Variants in AKAP19 observed in about 807,000 individuals in gnomAD.
AKAP19 encodes the protein small A-kinase anchoring protein.
the AKAP19 span, among the ~76,000 whole-genome samples, chr2:190,082,870 A>G: frequency 2.6e-5 from 4 of 152,162 alleles, no homozygotes; most frequent in Admixed American, 1.3e-4. Context: ...TTGTGTTTCT[A>G]CTTGTTCCAA....
At chr2:190,193,557 T>C in the AKAP19 span, among the ~76,000 whole-genome samples, 3 of 152,178 alleles carry the variant, frequency 2.0e-5, no homozygotes, top group Non-Finnish European at 2.9e-5. Context: ...TTTGGAAAGA[T>C]TTACAATTTC....
chr2:190,202,279 A>T, the AKAP19 span: 1 of 167,008 alleles, frequency 6.0e-6, no homozygotes, highest in Non-Finnish European at 1.5e-5. Context: ...AATAGAGTAC[A>T]ATATCTTCTG....
At chr2:190,070,726 G>A in the AKAP19 span, among the ~76,000 whole-genome samples, 3 of 148,562 alleles carry the variant, frequency 2.0e-5, no homozygotes, top group Non-Finnish European at 3.0e-5. Context: ...GATATTTTTA[G>A]ATGACACATG....
chr2:190,164,175 A>C, the AKAP19 span: 1 of 152,266 alleles, frequency 6.6e-6, no homozygotes, highest in Admixed American at 6.5e-5. Flanking sequence ...ATCTATTTGA[A>C]AAACTTAGTC....
chr2:190,156,520 T>C, the AKAP19 span, among the ~76,000 whole-genome samples: 1 of 152,172 alleles, frequency 6.6e-6, no homozygotes, highest in African/African-American at 2.4e-5. Flanking sequence ...GGGGAAATTA[T>C]TTATTTGAAA....
the AKAP19 span, among the ~76,000 whole-genome samples, chr2:190,178,122 T>A: frequency 6.6e-6 from 1 of 152,286 alleles, no homozygotes; most frequent in South Asian, 2.1e-4. This position sits in a 1 kb window ranked among gnomAD's most constrained non-coding sequence, Gnocchi z 6.3. Context: ...TGGTTCCTGT[T>A]GCCTCTATCC....
the AKAP19 span, among the ~76,000 whole-genome samples, chr2:190,157,019 C>T: frequency 6.6e-6 from 1 of 152,084 alleles, no homozygotes; most frequent in Non-Finnish European, 1.5e-5. Context: ...GCTCAATATA[C>T]TGTATTACAG....
the AKAP19 span, among the ~76,000 whole-genome samples, chr2:190,126,917 C>T: frequency 1.3e-5 from 2 of 152,024 alleles, no homozygotes; most frequent in African/African-American, 4.8e-5. Context: ...CACACACTCT[C>T]CTCAAGTTTC....
At chr2:190,084,339 C>T in the AKAP19 span, among the ~76,000 whole-genome samples, 1 of 152,058 alleles carries the variant, frequency 6.6e-6, no homozygotes, top group African/African-American at 2.4e-5. Flanking sequence ...GTGATCCACC[C>T]ACCTCAGCCT....
chr2:189,977,109 A>G, the AKAP19 span, among the ~76,000 whole-genome samples: 3 of 152,158 alleles, frequency 2.0e-5, no homozygotes, highest in African/African-American at 4.8e-5. Context: ...CTATTTGGCC[A>G]TCTTGGAACT....
At chr2:190,009,263 TC>T in the AKAP19 span, among the ~76,000 whole-genome samples, 1 of 152,290 alleles carries the variant, frequency 6.6e-6, no homozygotes, top group South Asian at 2.1e-4. Context: ...ATATTATTAC[TC>T]AACTTCTGTA....
chr2:190,131,353 A>G, the AKAP19 span, among the ~76,000 whole-genome samples: 3 of 151,820 alleles, frequency 2.0e-5, no homozygotes, highest in Admixed American at 1.3e-4. Context: ...GATTATACCT[A>G]CGTGATGAAA....
At chr2:190,079,882 TGTGTGTGTGAGAGAGAGA>T in the AKAP19 span, 1 of 95,320 alleles carries the variant, frequency 1.0e-5, no homozygotes, top group African/African-American at 4.2e-5. Flanking sequence ...TGTGTGTGTG[TGTGTGTGTGAGAGAGAGA>T]GAGAGAGAGA....
chr2:189,976,281 T>C, the AKAP19 span, among the ~76,000 whole-genome samples: 1 of 152,242 alleles, frequency 6.6e-6, no homozygotes, highest in Non-Finnish European at 1.5e-5. Context: ...CAGCAGAGGC[T>C]GCAGAACAGC....
At chr2:190,194,909 GT>G in the AKAP19 span, among the ~76,000 whole-genome samples, 1 of 152,158 alleles carries the variant, frequency 6.6e-6, no homozygotes, top group Admixed American at 6.5e-5. Context: ...CTGGAGTGCA[GT>G]GGTGCAATCA....
chr2:190,004,141 G>T, the AKAP19 span, among the ~76,000 whole-genome samples: 18 of 141,108 alleles, frequency 1.3e-4, no homozygotes, highest in African/African-American at 5.1e-4. Context: ...GGGGAGGGGG[G>T]AGGGATAGCT....
chr2:189,916,137 G>A, the AKAP19 span, among the ~76,000 whole-genome samples: 4 of 151,992 alleles, frequency 2.6e-5, no homozygotes, highest in Non-Finnish European at 5.9e-5. Flanking sequence ...AGATTTACAT[G>A]CAACCATAAG....
chr2:190,101,391 G>C, the AKAP19 span, among the ~76,000 whole-genome samples: 2 of 152,254 alleles, frequency 1.3e-5, no homozygotes, highest in Admixed American at 1.3e-4. Context: ...GCCATTGCTG[G>C]GTACCCTATC....
the AKAP19 span, among the ~76,000 whole-genome samples, chr2:190,085,345 A>G: frequency 6.6e-6 from 1 of 152,208 alleles, no homozygotes; most frequent in Non-Finnish European, 1.5e-5. Flanking sequence ...TTTGGGTTCA[A>G]TAGGCCTTGA....
Sources: gnomAD v4.1 joint callset for allele counts (sites outside exome capture counted in the v4.1 genomes callset) on GRCh38, gnomAD v4.1.1 for gene constraint, Gnocchi (gnomAD v3.1) non-coding constraint, MANE v1.5 for transcripts, NCBI Gene and HGNC (gene_info 2026-07-23, HGNC 2026-07-21) for gene names.